FGF12: variants seen among roughly 807,000 people sequenced by gnomAD.
FGF12 encodes fibroblast growth factor 12B.
In FGF12, 14 loss-of-function variants were observed where a neutral mutation model predicts 23.6. The observed-to-expected ratio is 0.59, with a 90% CI of 0.39 to 0.93. FGF12 has a LOEUF of 0.93. FGF12 is among the 40% of genes least tolerant of loss of function. FGF12 has a pLI of 0.00. For missense variants in FGF12, 175 were observed against 217.8 expected, an observed-to-expected ratio of 0.80 and a Z score of 1.24; for synonymous variants, 62 against 77.3, an observed-to-expected ratio of 0.80 and a Z score of 1.04.
At chr3:192,576,568 G>A (rs372381750) in intron 2 of FGF12, among the ~76,000 whole-genome samples, 37 of 152,168 alleles carry the variant, frequency 2.4e-4, no homozygotes, top group African/African-American at 8.9e-4. Flanking sequence ...TGCATGCTAT[G>A]GCCTCTCCTT....
At chr3:192,174,730 C>T (rs1577204051) in intron 4 of FGF12, among the ~76,000 whole-genome samples, 1 of 149,308 alleles carries the variant, frequency 6.7e-6, no homozygotes, top group African/African-American at 2.5e-5. Flanking sequence ...AATCAGAGCC[C>T]TACACGTGGA....
chr3:192,175,349 T>C (rs993787873), intron 4 of FGF12, among the ~76,000 whole-genome samples: 3 of 151,806 alleles, frequency 2.0e-5, no homozygotes, highest in Non-Finnish European at 2.9e-5. Flanking sequence ...CTTTTTCCTA[T>C]AGTCTTGAGC....
At chr3:192,462,380 T>C (rs1722890185) in intron 2 of FGF12, among the ~76,000 whole-genome samples, 1 of 152,050 alleles carries the variant, frequency 6.6e-6, no homozygotes, top group Non-Finnish European at 1.5e-5. Context: ...GGGAAGGAAC[T>C]GGTGGCTCTA....
At chr3:192,518,141 AC>A (rs1724726299) in intron 2 of FGF12, among the ~76,000 whole-genome samples, 1 of 152,130 alleles carries the variant, frequency 6.6e-6, no homozygotes, top group Admixed American at 6.5e-5. Flanking sequence ...TTGTTTTAAT[AC>A]CCAAATTTTA....
intron 2 of FGF12, among the ~76,000 whole-genome samples, chr3:192,685,759 T>A (rs989208076): frequency 6.6e-6 from 1 of 152,244 alleles, no homozygotes; most frequent in Non-Finnish European, 1.5e-5. Flanking sequence ...TACTTCCAAA[T>A]CTTTCCTATC....
chr3:192,712,058 C>A (rs1215326968), intron 2 of FGF12, among the ~76,000 whole-genome samples: 1 of 146,042 alleles, frequency 6.8e-6, no homozygotes, highest in Non-Finnish European at 1.5e-5. Flanking sequence ...AGAAAACAGA[C>A]AAATAAGCCT....
chr3:192,390,150 A>G (rs1483753706), intron 2 of FGF12, among the ~76,000 whole-genome samples: 7 of 152,234 alleles, frequency 4.6e-5, no homozygotes, highest in Admixed American at 3.3e-4. Context: ...TTTGTGTCAT[A>G]TATTTCTGAG....
chr3:192,585,243 C>A (rs1473211338), intron 2 of FGF12, among the ~76,000 whole-genome samples: 1 of 152,186 alleles, frequency 6.6e-6, no homozygotes, highest in Non-Finnish European at 1.5e-5. Flanking sequence ...TGCCTGCTTG[C>A]ACTCACCACT....
chr3:192,374,816 T>C (rs1377224340), intron 2 of FGF12, among the ~76,000 whole-genome samples: 1 of 152,188 alleles, frequency 6.6e-6, no homozygotes, highest in African/African-American at 2.4e-5. Flanking sequence ...CCAGAACCCA[T>C]AGAACAGATT....
Position 192,408,466 on chromosome 3 carries a change from C to A in FGF12, c.14-47928G>T. On this transcript the variant is annotated intron_variant, in intron 2 of 5. Transcript: ENST00000445105. The surrounding 1 kb of genome is among the most constrained non-coding windows in gnomAD (Gnocchi z 7.3). ...TCCCCAACCTCTGGCGGCCGGGGGG[C>A]GGGGCGGGGCGGTCCCAGGCCCTCT... 7.4e-7 allele frequency: 1 copy of A among 1,344,354 alleles called. No homozygotes were observed. The highest frequency in any genetic ancestry group is 9.5e-7 in the Non-Finnish European group (1 of 1,051,654). 83.3% of individuals were successfully genotyped at this position (1,344,354 alleles called of 1,614,324 possible).
chr3:192,198,860 G>C (rs1394852996), intron 4 of FGF12, among the ~76,000 whole-genome samples: 1 of 152,182 alleles, frequency 6.6e-6, no homozygotes, highest in South Asian at 2.1e-4. Flanking sequence ...GACACTACCA[G>C]AGACACAGCT....
chr3:192,590,818 A>C (rs1474830520), intron 2 of FGF12, among the ~76,000 whole-genome samples: 1 of 151,806 alleles, frequency 6.6e-6, no homozygotes, highest in African/African-American at 2.4e-5. Context: ...TGGCACCATC[A>C]ACTTAAGTTT....
At chr3:192,189,722 G>GA (rs1716677360) in intron 4 of FGF12, among the ~76,000 whole-genome samples, 1 of 152,216 alleles carries the variant, frequency 6.6e-6, no homozygotes, top group Admixed American at 6.5e-5. Flanking sequence ...GTCTGAGGGG[G>GA]AACCAACCCT....
chr3:192,152,512 T>C (rs1219071308), intron 5 of FGF12, among the ~76,000 whole-genome samples: 5 of 151,054 alleles, frequency 3.3e-5, no homozygotes, highest in East Asian at 2.0e-4. Flanking sequence ...TGGTATGTTA[T>C]GTCTTTGTTC....
intron 2 of FGF12, among the ~76,000 whole-genome samples, chr3:192,393,608 A>G (rs1040714251): frequency 6.6e-6 from 1 of 152,228 alleles, no homozygotes; most frequent in African/African-American, 2.4e-5. Context: ...TACTGCACAG[A>G]TAAAGAAAAT....
At chr3:192,329,179 C>T (rs183822196) in intron 4 of FGF12, among the ~76,000 whole-genome samples, 4 of 152,176 alleles carry the variant, frequency 2.6e-5, no homozygotes, top group Non-Finnish European at 5.9e-5. Flanking sequence ...TCCTGCCCAC[C>T]AGCAAAATAA....
intron 2 of FGF12, among the ~76,000 whole-genome samples, chr3:192,484,315 T>TAAAA (rs57914760): frequency 4.0e-5 from 4 of 99,664 alleles, no homozygotes; most frequent in Admixed American, 1.2e-4. Flanking sequence ...TCCATTTTCC[T>TAAAA]AAAAAAAAAA....
chr3:192,660,181 T>TA (rs1240577869), intron 2 of FGF12, among the ~76,000 whole-genome samples: 4 of 149,926 alleles, frequency 2.7e-5, no homozygotes, highest in African/African-American at 9.8e-5. Context: ...TATGCAGCCA[T>TA]AAAAAAGGAT....
At chr3:192,407,884 A>C (rs2108775789) in intron 2 of FGF12, 1 of 949,466 alleles carries the variant, frequency 1.1e-6, no homozygotes, top group South Asian at 1.6e-5. Context: ...GAGTGGTTGA[A>C]AGAAGTCTGG....
Sources: gnomAD v4.1 joint callset for allele counts (sites outside exome capture counted in the v4.1 genomes callset) on GRCh38, gnomAD v4.1.1 for gene constraint, Gnocchi (gnomAD v3.1) non-coding constraint, MANE v1.5 for transcripts, NCBI Gene and HGNC (gene_info 2026-07-23, HGNC 2026-07-21) for gene names.